Variants in SCRG1 observed in about 807,000 individuals in gnomAD.
SCRG1 encodes the protein stimulator of chondrogenesis 1, also known as scrapie-responsive protein 1.
SCRG1 carries 3 observed loss-of-function variants against 7.7 expected under a neutral mutation model. The ratio of observed to expected loss-of-function variants is 0.39; its 90% CI spans 0.18 to 1.01. SCRG1 has a LOEUF of 1.01. Among genes scored for constraint, SCRG1 ranks in the 50% least tolerant of loss-of-function variants. SCRG1 has a pLI of 0.36. For missense variants in SCRG1, 110 were observed against 117.2 expected (o/e 0.94, Z 0.28); for synonymous variants, 46 against 41.2 (o/e 1.12, Z -0.44).
chr4:173,484,233 AT>A, the SCRG1 span, among the ~76,000 whole-genome samples: 1 of 77,652 alleles, frequency 1.3e-5, no homozygotes, highest in Non-Finnish European at 2.2e-5. Flanking sequence ...TATAATATAT[AT>A]TTATATATTA....
the SCRG1 span, among the ~76,000 whole-genome samples, chr4:173,465,603 A>T: frequency 2.7e-5 from 4 of 150,876 alleles, no homozygotes; most frequent in African/African-American, 9.8e-5. Context: ...AGGTGAGGGG[A>T]TTTTTTTTAT....
chr4:173,493,349 C>T, the SCRG1 span, among the ~76,000 whole-genome samples: 1 of 152,136 alleles, frequency 6.6e-6, no homozygotes, highest in Admixed American at 6.5e-5. Context: ...GCTTCCCCTT[C>T]TGCCTTGATT....
At chr4:173,464,754 G>A in the SCRG1 span, among the ~76,000 whole-genome samples, 4 of 152,148 alleles carry the variant, frequency 2.6e-5, no homozygotes, top group Admixed American at 6.5e-5. Context: ...ATACACAAAA[G>A]AATTTAAAGG....
chr4:173,391,513 T>G, intron 1 of SCRG1, 85 bp from the exon 2 acceptor site: 1 of 1,379,132 alleles, frequency 7.3e-7, no homozygotes, highest in Non-Finnish European at 1.0e-6. Flanking sequence ...AGCATGCTTA[T>G]AAACCCTTGG....
At chr4:173,403,900 T>C (rs1739825071), upstream of SCRG1, among the ~76,000 whole-genome samples, 1 of 152,196 alleles carries the variant, frequency 6.6e-6, no homozygotes, top group South Asian at 2.1e-4. Context: ...TCGTAGGTCC[T>C]GAGTTATTGC....
chr4:173,489,118 C>T, the SCRG1 span, among the ~76,000 whole-genome samples: 1 of 152,168 alleles, frequency 6.6e-6, no homozygotes, highest in Non-Finnish European at 1.5e-5. Context: ...CAAATATCAA[C>T]ACTGAAAACA....
chr4:173,457,977 G>T, the SCRG1 span, among the ~76,000 whole-genome samples: 2 of 152,148 alleles, frequency 1.3e-5, no homozygotes. Context: ...AAGAACTGTG[G>T]GTCTCTCTGG....
At chr4:173,470,884 C>T in the SCRG1 span, among the ~76,000 whole-genome samples, 603 of 152,304 alleles carry the variant, frequency 4.0e-3, 3 homozygotes, top group Middle Eastern at 0.014. Context: ...AGACTTTCAA[C>T]ACATTTTCCC....
At chr4:173,448,751 A>G in the SCRG1 span, among the ~76,000 whole-genome samples, 1 of 152,194 alleles carries the variant, frequency 6.6e-6, no homozygotes, top group Admixed American at 6.5e-5. Context: ...CTGATGATTT[A>G]TGGATCGCTA....
the SCRG1 span, among the ~76,000 whole-genome samples, chr4:173,481,268 T>A: frequency 9.5e-3 from 1,447 of 152,260 alleles, 27 homozygotes; most frequent in African/African-American, 0.033. Flanking sequence ...ATAAATTGGT[T>A]ACTTGCTGTT....
the SCRG1 span, among the ~76,000 whole-genome samples, chr4:173,438,564 C>A: frequency 6.6e-6 from 1 of 151,946 alleles, no homozygotes; most frequent in African/African-American, 2.4e-5. Context: ...CTCTGAGCAA[C>A]ATATTGATCA....
At chr4:173,397,427 A>C (rs1401762871) in intron 1 of SCRG1, among the ~76,000 whole-genome samples, 1 of 152,216 alleles carries the variant, frequency 6.6e-6, no homozygotes, top group Non-Finnish European at 1.5e-5. Flanking sequence ...AATTAGAAGG[A>C]GTGAGCAAGA....
At chr4:173,477,375 G>A in the SCRG1 span, among the ~76,000 whole-genome samples, 1 of 152,090 alleles carries the variant, frequency 6.6e-6, no homozygotes, top group Admixed American at 6.6e-5. Flanking sequence ...CCAGGAACAG[G>A]GAAATTTCCC....
At chr4:173,423,848 G>GTGTCTGC in the SCRG1 span, among the ~76,000 whole-genome samples, 5 of 152,122 alleles carry the variant, frequency 3.3e-5, no homozygotes, top group Non-Finnish European at 7.4e-5. Context: ...CATAGTACTA[G>GTGTCTGC]TGTCTGCTCA....
chr4:173,486,326 T>G, the SCRG1 span, among the ~76,000 whole-genome samples: 1 of 152,200 alleles, frequency 6.6e-6, no homozygotes, highest in African/African-American at 2.4e-5. Context: ...ATTTTAACCT[T>G]AAATTCTTTC....
chr4:173,455,740 T>C, the SCRG1 span, among the ~76,000 whole-genome samples: 2 of 152,118 alleles, frequency 1.3e-5, 1 homozygote, highest in African/African-American at 4.8e-5. Flanking sequence ...GCCCAAAGCA[T>C]TGTCTTTCAT....
At chr4:173,422,509 T>A in the SCRG1 span, among the ~76,000 whole-genome samples, 1 of 152,210 alleles carries the variant, frequency 6.6e-6, no homozygotes, top group East Asian at 1.9e-4. Flanking sequence ...CCATCCTTAC[T>A]TTTGCCAGAA....
the SCRG1 span, among the ~76,000 whole-genome samples, chr4:173,451,085 G>A: frequency 6.6e-6 from 1 of 152,022 alleles, no homozygotes; most frequent in Admixed American, 6.6e-5. Flanking sequence ...TTTCTCCAAG[G>A]AATGTCTCTG....
the SCRG1 span, among the ~76,000 whole-genome samples, chr4:173,466,238 C>G: frequency 3.9e-5 from 6 of 152,198 alleles, no homozygotes; most frequent in African/African-American, 1.4e-4. Context: ...AATTCCCAAA[C>G]AGCAGTGCTG....
Sources: allele counts gnomAD v4.1 joint callset (sites outside exome capture counted in the v4.1 genomes callset), GRCh38; gene constraint gnomAD v4.1.1; transcripts MANE v1.5; gene names NCBI Gene and HGNC (gene_info 2026-07-23, HGNC 2026-07-21).